Variants in ATP10D observed in about 807,000 individuals in gnomAD.
ATP10D encodes the protein phospholipid-transporting ATPase VD.
ATP10D carries 89 observed loss-of-function variants against 144.8 expected under a neutral mutation model. The ratio of observed to expected loss-of-function variants is 0.61; its 90% confidence interval spans 0.52 to 0.73. ATP10D has a LOEUF of 0.73. Among genes scored for constraint, ATP10D ranks in the 30% least tolerant of loss-of-function variants. ATP10D has a pLI of 0.00. For synonymous variants in ATP10D, 571 were observed against 615.1 expected, an observed-to-expected ratio of 0.93 and a Z score of 1.06; for missense variants, 1,603 against 1,714.8, an observed-to-expected ratio of 0.93 and a Z score of 1.15.
chr4:47,528,004 T>A (rs1180655818), intron 5 of ATP10D, among the ~76,000 whole-genome samples: 47 of 152,156 alleles, frequency 3.1e-4, no homozygotes, highest in Non-Finnish European at 2.9e-5. Flanking sequence ...CATCAACAGA[T>A]AAATGGATAA....
At chr4:47,527,151 C>A (rs991669244) in intron 5 of ATP10D, among the ~76,000 whole-genome samples, 4 of 152,054 alleles carry the variant, frequency 2.6e-5, no homozygotes, top group Admixed American at 1.3e-4. Context: ...AATAGACTGA[C>A]ACATTTATGG....
intron 3 of ATP10D, among the ~76,000 whole-genome samples, chr4:47,516,097 G>T (rs1716669347): frequency 6.6e-6 from 1 of 152,104 alleles, no homozygotes; most frequent in Non-Finnish European, 1.5e-5. Context: ...GGACGTGGTG[G>T]CAGGTGCCTG....
At chr4:47,564,271 C>T (rs61434447) in intron 15 of ATP10D, among the ~76,000 whole-genome samples, 34,130 of 151,794 alleles carry the variant, frequency 0.22, 4,636 homozygotes, top group East Asian at 0.5. Context: ...CTTCTAAAGG[C>T]CTGATGGAAA....
chr4:47,502,638 ATAAT>A (rs1577616252), intron 1 of ATP10D, among the ~76,000 whole-genome samples: 1 of 148,352 alleles, frequency 6.7e-6, no homozygotes, highest in East Asian at 1.9e-4. Context: ...ACGTATGTAT[ATAAT>A]ATATGTATGT....
intron 9 of ATP10D, among the ~76,000 whole-genome samples, chr4:47,540,109 C>T (rs541161983): frequency 5.3e-5 from 8 of 152,330 alleles, no homozygotes; most frequent in African/African-American, 1.9e-4. Flanking sequence ...TGTGTATACA[C>T]ACACACACAA....
At chr4:47,526,096 C>CTTG (rs1312122242) in intron 5 of ATP10D, among the ~76,000 whole-genome samples, 14 of 152,274 alleles carry the variant, frequency 9.2e-5, no homozygotes, top group Non-Finnish European at 1.5e-4. Flanking sequence ...ATACCAAAAG[C>CTTG]ATATAAAGAC....
chr4:47,551,123 A>C (rs533002626), intron 10 of ATP10D, among the ~76,000 whole-genome samples: 1 of 152,270 alleles, frequency 6.6e-6, no homozygotes, highest in African/African-American at 2.4e-5. Context: ...TCTCCTTACT[A>C]TCTGATTGGT....
At chr4:47,564,967 A>ATTTGTTTG (rs999420209) in intron 15 of ATP10D, among the ~76,000 whole-genome samples, 1 of 151,616 alleles carries the variant, frequency 6.6e-6, no homozygotes, top group Non-Finnish European at 1.5e-5. Context: ...TCGTTTGTTT[A>ATTTGTTTG]TTTGTTTGTT....
chr4:47,548,732 C>A (rs1560438478), intron 10 of ATP10D, among the ~76,000 whole-genome samples: 1 of 152,176 alleles, frequency 6.6e-6, no homozygotes, highest in Non-Finnish European at 1.5e-5. Flanking sequence ...CAAAACCATA[C>A]CCCTAATATA....
intron 11 of ATP10D, among the ~76,000 whole-genome samples, chr4:47,556,526 T>C (rs1719000665): frequency 6.6e-6 from 1 of 152,196 alleles, no homozygotes; most frequent in African/African-American, 2.4e-5. Context: ...ATTCTACTGC[T>C]TGAAAGAAAA....
chr4:47,563,116 G>T (rs1376294817), intron 14 of ATP10D, among the ~76,000 whole-genome samples: 1 of 152,126 alleles, frequency 6.6e-6, no homozygotes, highest in Admixed American at 6.5e-5. Flanking sequence ...TTACCTAACA[G>T]GTACAATTTA....
intron 22 of ATP10D, among the ~76,000 whole-genome samples, chr4:47,587,966 ATTTT>A (rs1364244957): frequency 6.7e-6 from 1 of 149,442 alleles, no homozygotes; most frequent in Admixed American, 6.6e-5. Flanking sequence ...TTGTTTTTAT[ATTTT>A]TGTTTGTTTG....
chr4:47,538,523 G>T (rs1340406373), intron 9 of ATP10D, among the ~76,000 whole-genome samples: 1 of 152,064 alleles, frequency 6.6e-6, no homozygotes, highest in African/African-American at 2.4e-5. Context: ...AACCATAATG[G>T]CTTAAACCAA....
At chr4:47,519,980 T>A (rs1169630573) in intron 3 of ATP10D, among the ~76,000 whole-genome samples, 2 of 152,238 alleles carry the variant, frequency 1.3e-5, no homozygotes, top group East Asian at 3.9e-4. Flanking sequence ...TGTTTTGTTT[T>A]GTTTAAATCT....
intron 9 of ATP10D, among the ~76,000 whole-genome samples, chr4:47,538,654 T>C (rs1372604247): frequency 1.3e-5 from 2 of 152,132 alleles, no homozygotes; most frequent in African/African-American, 2.4e-5. Flanking sequence ...TGTGATCTTA[T>C]TGATGACCTC....
chr4:47,566,144 G>A (rs1719629548), intron 15 of ATP10D, among the ~76,000 whole-genome samples: 1 of 152,232 alleles, frequency 6.6e-6, no homozygotes, highest in Non-Finnish European at 1.5e-5. Context: ...AGCAGGCAAT[G>A]TGGCAGCCAG....
intron 1 of ATP10D, among the ~76,000 whole-genome samples, chr4:47,499,725 G>T (rs1166757912): frequency 6.6e-6 from 1 of 152,178 alleles, no homozygotes; most frequent in Non-Finnish European, 1.5e-5. Flanking sequence ...TTTCTATCCT[G>T]GATGAAATTG....
chr4:47,581,042 A>C (rs1196982609), intron 20 of ATP10D, among the ~76,000 whole-genome samples: 1 of 152,158 alleles, frequency 6.6e-6, no homozygotes, highest in African/African-American at 2.4e-5. Flanking sequence ...CAGCCTAGAC[A>C]ACAGAGTGAG....
At chr4:47,542,625 C>CATA (rs1718200148) in intron 9 of ATP10D, among the ~76,000 whole-genome samples, 6 of 151,834 alleles carry the variant, frequency 4.0e-5, no homozygotes, top group Non-Finnish European at 7.4e-5. Flanking sequence ...TTACAGGTGC[C>CATA]CGCCACCACA....
Sources: allele counts gnomAD v4.1 joint callset (sites outside exome capture counted in the v4.1 genomes callset), GRCh38; gene constraint gnomAD v4.1.1; transcripts MANE v1.5; gene names NCBI Gene and HGNC (gene_info 2026-07-23, HGNC 2026-07-21).